Variants in OSGIN2 observed in about 807,000 individuals in gnomAD.
OSGIN2 encodes the protein oxidative stress induced growth inhibitor family member 2.
A neutral mutation model predicts 53.8 loss-of-function variants in OSGIN2; 19 were observed. The ratio of observed to expected loss-of-function variants is 0.35; its 90% CI spans 0.25 to 0.52. The LOEUF is 0.52. Among genes scored for constraint, OSGIN2 ranks in the 20% least tolerant of loss-of-function variants. The pLI, the probability that OSGIN2 is intolerant of heterozygous loss-of-function variation, is 0.95. For synonymous variants in OSGIN2, 236 were observed against 236.0 expected (o/e 1.00, Z 0.00); for missense variants, 520 against 662.7 (o/e 0.78, Z 2.36).
intron 5 of OSGIN2, chr8:89,921,467 ATATAT>A (rs1178710578): frequency 3.7e-6 from 1 of 272,366 alleles, no homozygotes; most frequent in Non-Finnish European, 6.9e-6. Context: ...TCATCCATCC[ATATAT>A]TATTTTTCAT....
intron 1 of OSGIN2, 76 bp downstream of exon 1, chr8:89,902,913 C>T (rs1808754867): frequency 4.9e-6 from 5 of 1,017,074 alleles, no homozygotes; most frequent in South Asian, 2.5e-5. Context: ...TGGCCCGGGC[C>T]GGGACCGGGG....
At chr8:89,911,843 C>A (rs1239804852) in intron 2 of OSGIN2, among the ~76,000 whole-genome samples, 1 of 151,650 alleles carries the variant, frequency 6.6e-6, no homozygotes, top group Non-Finnish European at 1.5e-5. Context: ...GAGGCTGAGG[C>A]AGGAGAATGG....
intron 5 of OSGIN2, among the ~76,000 whole-genome samples, chr8:89,922,799 CT>C (rs1341423164): frequency 6.6e-6 from 1 of 152,112 alleles, no homozygotes; most frequent in African/African-American, 2.4e-5. Context: ...ATAAAGTGTA[CT>C]TAACACAAAC....
In OSGIN2 at chr8:89,927,320, A is replaced by C. The variant is rs2130723068; in HGVS notation, c.*1788A>C. The C allele has an allele frequency of 6.6e-6, 1 of 152,220 alleles. No individual in the cohort carries two copies. Among genetic ancestry groups the C allele is most frequent in the African/African-American group, 2.4e-5 (1 of 41,574 alleles). The allele number at this position is 152,220 out of a possible 1,614,324, so 9.4% of individuals were successfully genotyped here. A position where few individuals can be genotyped will look rare whatever the true frequency, so the allele number is the denominator to read the frequency against. Reference sequence around the variant, plus strand: ...AAAAAAAAAAAAAGACTTCAAGAAAAATAAAAGTTCAGTGGAGCTGCAAAT... The same window carrying C: ...AAAAAAAAAAAAAGACTTCAAGAAACATAAAAGTTCAGTGGAGCTGCAAAT... On this transcript the variant is annotated 3_prime_UTR_variant, in exon 6 of 6. Coordinates refer to ENST00000451899, the MANE Select transcript of OSGIN2 (RefSeq NM_001126111.3).
intron 5 of OSGIN2, among the ~76,000 whole-genome samples, chr8:89,924,027 A>G (rs1012718455): frequency 6.6e-6 from 1 of 152,244 alleles, no homozygotes; most frequent in African/African-American, 2.4e-5. Context: ...GCTGTTAGGA[A>G]AATAGCAGTG....
rs143252894 is a variant in OSGIN2 at position 89,910,868 on chromosome 8, A to G, written c.199+1147A>G. On this transcript the variant is annotated intron_variant, in intron 2 of 5. Transcript: ENST00000451899. ...AGCTTAGCCTCATGTATATTTATAT[A>G]GTGTCATTACTGTTGACAATGGCAC... 2.3e-3 allele frequency among the ~76,000 whole-genome samples: 351 copies of G among 152,350 alleles called. 1 individual carries two copies. The Middle Eastern group carries it at 0.031, about 13-fold the overall frequency.
intron 2 of OSGIN2, among the ~76,000 whole-genome samples, chr8:89,910,654 C>T (rs1297072950): frequency 2.0e-5 from 3 of 152,154 alleles, no homozygotes; most frequent in South Asian, 2.1e-4. Flanking sequence ...AGGGACCATA[C>T]GTCATGTTTC....
chr8:89,917,748 C>G (rs1429933491), intron 4 of OSGIN2, among the ~76,000 whole-genome samples: 3 of 152,106 alleles, frequency 2.0e-5, no homozygotes, highest in Non-Finnish European at 4.4e-5. Context: ...CACACTCAAA[C>G]CGAAAACTTA....
intron 4 of OSGIN2, 88 bp downstream of exon 4, chr8:89,914,834 A>G (rs927465549): frequency 2.2e-6 from 2 of 899,154 alleles, no homozygotes; most frequent in Non-Finnish European, 1.8e-6. Context: ...TGATAATGTT[A>G]TATGTGATGT....
rs574293097 is a variant in OSGIN2 at position 89,925,750 on chromosome 8, C to G, written c.*218C>G. On this transcript the variant is annotated 3_prime_UTR_variant, in exon 6 of 6. Transcript: ENST00000451899. ...GTCAGACAAATAGAAACACTGCCAA[C>G]TTGGTGTAACTTAAGCTTTCATTTA... 3 of 459,798 alleles carry G rather than the reference C, an allele frequency of 6.5e-6. No homozygotes were observed. In the South Asian group the frequency reaches 1.4e-4, roughly 21 times the overall value. The allele number at this position is 459,798 out of a possible 1,614,324, so 28.5% of individuals were successfully genotyped here.
chr8:89,918,419 G>T (rs1324784519), intron 4 of OSGIN2, among the ~76,000 whole-genome samples: 2 of 152,070 alleles, frequency 1.3e-5, no homozygotes, highest in African/African-American at 4.8e-5. Context: ...TCCTGCCTTA[G>T]CCTCCCAGTG....
chr8:89,902,757 C>CG lies in OSGIN2; in HGVS notation c.-35dup. On this transcript the variant is annotated 5_prime_UTR_variant, in exon 1 of 6. Coordinates refer to ENST00000451899, the MANE Select transcript of OSGIN2 (RefSeq NM_001126111.3). ...TCGCCGGGGGAGGCGGAGGCGGCCA[C>CG]GGCGGCCGCGCTCGGGCGCCCCTCG... The CG allele has an allele frequency of 8.3e-7, 1 of 1,201,214 alleles. No homozygotes were observed. Among genetic ancestry groups the CG allele is most frequent in the South Asian group, 4.1e-5 (1 of 24,266 alleles). The allele number at this position is 1,201,214 out of a possible 1,614,324, so 74.4% of individuals were successfully genotyped here.
chr8:89,925,245 GTAT>G lies in OSGIN2; in HGVS notation c.1365_1367del (p.Leu456del), dbSNP rs1175553325. On this transcript the variant is annotated inframe_deletion, in exon 6 of 6. Transcript: ENST00000451899. ...AATATTTAAGCTGTCTGCAGCAGTA[GTAT>G]TGATAGGTTCTCATCCTAATCTGTC... The G allele has an allele frequency of 2.5e-6, 4 of 1,614,170 alleles. No individual in the cohort carries two copies. The highest frequency in any genetic ancestry group is 2.5e-6 in the Non-Finnish European group (3 of 1,180,018).
chr8:89,916,089 TTAG>T (rs1448139283), intron 4 of OSGIN2, among the ~76,000 whole-genome samples: 1 of 152,204 alleles, frequency 6.6e-6, no homozygotes, highest in African/African-American at 2.4e-5. Context: ...TCTCTGTTAA[TTAG>T]TAGCATTCTT....
At chr8:89,919,696 C>G (rs1809156753) in intron 4 of OSGIN2, among the ~76,000 whole-genome samples, 1 of 152,150 alleles carries the variant, frequency 6.6e-6, no homozygotes, top group South Asian at 2.1e-4. Context: ...CTTTCAGGCA[C>G]AAGGCTGAAT....
intron 1 of OSGIN2, among the ~76,000 whole-genome samples, chr8:89,904,976 T>C (rs1004140610): frequency 3.5e-4 from 54 of 152,238 alleles, no homozygotes; most frequent in African/African-American, 1.2e-3. Context: ...CTGACTTCAT[T>C]TGTGGCTTTA....
Position 89,914,192 on chromosome 8 carries a change from A to C in OSGIN2, c.315A>C (p.Arg105Ser), listed in dbSNP as rs1225256952. Residue 105 changes from arginine (R) to serine (S), a missense_variant, in exon 3 of 6, where the codon AGA becomes AGC. Physicochemically the swap from Arg to Ser is moderately radical, Grantham distance 110. Around this residue, in one of 3 missense-constraint regions of OSGIN2, gnomAD observed 203 missense variants for 275.3 expected, o/e 0.74. Transcript: ENST00000451899. The stretch of plus-strand genomic sequence containing the variant: ...TAAATAGTAAATTAGAAGAAGCAAG[A>C]CATCTTTCCATTGTTGATCAGGTAT... ...TILNSKLEEA[R>S]HLSIVDQDLE... 1.2e-6 allele frequency: 2 copies of C among 1,602,158 alleles called. No individual in the cohort carries two copies. Among genetic ancestry groups the C allele is most frequent in the Non-Finnish European group, 1.7e-6 (2 of 1,171,370 alleles).
chr8:89,924,809 G>A lies in OSGIN2; in HGVS notation c.927G>A (p.Leu309=). Residue 309 remains leucine (L), a synonymous_variant, in exon 6 of 6, where the codon CTG becomes CTA. Coordinates refer to ENST00000451899, the MANE Select transcript of OSGIN2 (RefSeq NM_001126111.3). ...AENVALATGT[L]DSPAHLEIEG... ...ATGTAGCGCTGGCAACTGGAACGCT[G>A]GATTCTCCTGCCCATCTGGAAATTG... The A allele has an allele frequency of 6.2e-7, 1 of 1,614,122 alleles. No individual in the cohort carries two copies. The highest frequency in any genetic ancestry group is 8.5e-7 in the Non-Finnish European group (1 of 1,179,984).
intron 1 of OSGIN2, among the ~76,000 whole-genome samples, chr8:89,905,303 T>C (rs1808815467): frequency 6.6e-6 from 1 of 152,242 alleles, no homozygotes; most frequent in Non-Finnish European, 1.5e-5. Context: ...TAAAGTGCTG[T>C]TCTTTACTAG....
Sources: gnomAD v4.1 joint callset for allele counts (sites outside exome capture counted in the v4.1 genomes callset) on GRCh38, gnomAD v4.1.1 for gene constraint, gnomAD v4.1.1 regional missense constraint, MANE v1.5 for transcripts, NCBI Gene and HGNC (gene_info 2026-07-23, HGNC 2026-07-21) for gene names.